The following ATRN variants were observed in gnomAD, a reference collection of about 807,000 sequenced individuals.
The protein encoded by ATRN is attractin, also known as attractin-2.
In ATRN, 54 loss-of-function variants were observed where a neutral mutation model predicts 178.7. The ratio of observed to expected loss-of-function variants is 0.30; its 90% CI spans 0.24 to 0.38. The LOEUF (loss-of-function observed/expected upper bound fraction) is 0.38. ATRN is among the 10% of genes least tolerant of loss of function. The probability of loss-of-function intolerance (pLI) is 1.00; values close to 1 mark genes in which losing one functional copy is unlikely to be tolerated. For missense variants in ATRN, 1,443 were observed against 1,815.1 expected (o/e 0.79, Z 3.73); for synonymous variants, 636 against 663.0 (o/e 0.96, Z 0.63).
chr20:3,594,310 T>C (rs2086493062), intron 19 of ATRN, among the ~76,000 whole-genome samples, 169 bp from the exon 20 acceptor site: 1 of 152,224 alleles, frequency 6.6e-6, no homozygotes, highest in Non-Finnish European at 1.5e-5. Flanking sequence ...ACCTATACAT[T>C]ATTATCATTA....
chr20:3,505,970 A>G (rs532035545), intron 1 of ATRN, among the ~76,000 whole-genome samples: 1 of 152,326 alleles, frequency 6.6e-6, no homozygotes, highest in East Asian at 1.9e-4. Flanking sequence ...GGGAATCCTT[A>G]TAGTGTTGAA....
chr20:3,613,503 G>A (rs1317188179), intron 24 of ATRN, among the ~76,000 whole-genome samples: 1 of 152,156 alleles, frequency 6.6e-6, no homozygotes, highest in East Asian at 1.9e-4. Flanking sequence ...TTCTAGGTGT[G>A]TAGCATGGCT....
At chr20:3,628,888 A>AT (rs1340241074) in intron 25 of ATRN, 2 of 984,240 alleles carry the variant, frequency 2.0e-6, no homozygotes, top group Non-Finnish European at 2.4e-6. Flanking sequence ...CTCACTGTTG[A>AT]TTTTTTCCCA....
chr20:3,559,505 C>T lies in ATRN; in HGVS notation c.1203+22C>T, dbSNP rs550146750. 1.3e-5 allele frequency: 21 copies of T among 1,577,144 alleles called. No individual in the cohort carries two copies. The South Asian group carries it at 2.1e-4, about 16-fold the overall frequency. On this transcript the variant is annotated intron_variant, in intron 7 of 28. Coordinates refer to ENST00000262919, the MANE Select transcript of ATRN (RefSeq NM_139321.3). ...CAAGGTAAAGCATCTCCACTCTGTG[C>T]TAAGCAAGAAACTAAGTTTTCCTCA...
At position 3,565,472 on chromosome 20, in the gene ATRN, A is replaced by G. The variant is rs565237171; in HGVS notation, c.1871+40A>G. 5.1e-6 allele frequency: 8 copies of G among 1,565,104 alleles called. No individual in the cohort carries two copies. In the African/African-American group the frequency reaches 6.8e-5, roughly 13 times the overall value. ...GATTGCTCCTTTTCTTTTGTGTTTA[A>G]AATGAAAATAAAGGGCCGGGCACGG... On this transcript the variant is annotated intron_variant, in intron 11 of 28. Transcript: ENST00000262919.
intron 12 of ATRN, 131 bp from the exon 13 acceptor site, chr20:3,575,696 A>G: frequency 9.8e-7 from 1 of 1,024,946 alleles, no homozygotes; most frequent in Non-Finnish European, 1.4e-6. Context: ...GAACATACCA[A>G]ATATATTTTC....
intron 12 of ATRN, among the ~76,000 whole-genome samples, chr20:3,573,813 G>A (rs916821609): frequency 5.9e-5 from 9 of 151,550 alleles, no homozygotes; most frequent in African/African-American, 2.2e-4. Flanking sequence ...CGCTCAGGCT[G>A]GAGTACAGCA....
intron 1 of ATRN, among the ~76,000 whole-genome samples, chr20:3,489,088 G>A (rs772117326): frequency 1.3e-5 from 2 of 152,092 alleles, no homozygotes; most frequent in Non-Finnish European, 2.9e-5. Flanking sequence ...AGCCTCCCAA[G>A]TAGCTGGGAT....
chr20:3,562,545 T>G (rs1490161752), intron 9 of ATRN, 86 bp downstream of exon 9: 23 of 1,380,120 alleles, frequency 1.7e-5, no homozygotes, highest in Middle Eastern at 1.9e-4. Context: ...TCTTTTTGTT[T>G]TCATGCCTGG....
intron 8 of ATRN, 39 bp downstream of exon 8, chr20:3,560,944 A>C: frequency 6.2e-7 from 1 of 1,603,670 alleles, no homozygotes; most frequent in Non-Finnish European, 8.5e-7. Flanking sequence ...TTTGAACATC[A>C]GATTTAAAAC....
At chr20:3,500,697 G>T (rs548412761) in intron 1 of ATRN, among the ~76,000 whole-genome samples, 1 of 108,330 alleles carries the variant, frequency 9.2e-6, no homozygotes, top group Admixed American at 1.2e-4. Flanking sequence ...GGGGTGGGGG[G>T]AGGGGGGAGG....
intron 26 of ATRN, among the ~76,000 whole-genome samples, chr20:3,635,160 T>G (rs1350283850): frequency 2.0e-5 from 3 of 151,482 alleles, no homozygotes; most frequent in Non-Finnish European, 1.5e-5. Context: ...AACTAAGCCC[T>G]GAGGATGCAA....
chr20:3,471,626 G>C (rs1450546386), intron 1 of ATRN, 109 bp downstream of exon 1: 1 of 1,312,726 alleles, frequency 7.6e-7, no homozygotes, highest in Non-Finnish European at 9.7e-7. Context: ...AGTGGAGAGG[G>C]TAGGGCCGCC....
chr20:3,627,230 A>T lies in ATRN; in HGVS notation c.3863+2658A>T, dbSNP rs187974056. ...GTGGCTCTCCACCTTAGCTGCACCT[A>T]GAATCACTTGCGGAGCTTTTGATGT... On this transcript the variant is annotated intron_variant, in intron 25 of 28. Transcript: ENST00000262919. 1.4e-3 allele frequency among the ~76,000 whole-genome samples: 215 copies of T among 152,344 alleles called. 1 individual carries two copies. The highest frequency in any genetic ancestry group is 5.0e-3 in the African/African-American group (209 of 41,584).
At chr20:3,629,879 C>A (rs562625756) in intron 25 of ATRN, among the ~76,000 whole-genome samples, 5 of 152,328 alleles carry the variant, frequency 3.3e-5, no homozygotes, top group African/African-American at 1.2e-4. Context: ...TCTGGACAAG[C>A]CTCCTCCCTG....
chr20:3,633,609 G>T (rs574965765), intron 25 of ATRN, among the ~76,000 whole-genome samples: 4 of 152,244 alleles, frequency 2.6e-5, no homozygotes, highest in African/African-American at 9.6e-5. Context: ...TTTTTTACTT[G>T]TTAAGCTTAT....
At chr20:3,571,040 T>C (rs2086115723) in intron 11 of ATRN, among the ~76,000 whole-genome samples, 1 of 152,216 alleles carries the variant, frequency 6.6e-6, no homozygotes, top group South Asian at 2.1e-4. Flanking sequence ...TTCCATTTTT[T>C]CCCCCACATA....
chr20:3,591,056 G>A (rs1332054528), intron 18 of ATRN, 113 bp from the exon 19 acceptor site: 2 of 1,163,494 alleles, frequency 1.7e-6, no homozygotes, highest in Non-Finnish European at 2.3e-6. Context: ...GCCAGTTTTG[G>A]TGATTTATCA....
chr20:3,492,871 GCA>G (rs113403087), intron 1 of ATRN, among the ~76,000 whole-genome samples: 11,906 of 132,238 alleles, frequency 0.09, 551 homozygotes, highest in African/African-American at 0.13. Flanking sequence ...GCGCGCGTGC[GCA>G]CGCACACACA....
Sources: gnomAD v4.1 joint callset for allele counts (sites outside exome capture counted in the v4.1 genomes callset) on GRCh38, gnomAD v4.1.1 for gene constraint, MANE v1.5 for transcripts, NCBI Gene and HGNC (gene_info 2026-07-23, HGNC 2026-07-21) for gene names.